METTL15: variants seen among roughly 807,000 people sequenced by gnomAD.
METTL15 encodes the protein methyltransferase 15, mitochondrial 12S rRNA N4-cytidine.
METTL15 carries 34 observed loss-of-function variants against 38.3 expected under a neutral mutation model. The ratio of observed to expected loss-of-function variants is 0.89; its 90% CI spans 0.68 to 1.18. The LOEUF (loss-of-function observed/expected upper bound fraction) is 1.18. METTL15 is among the 50% of genes most tolerant of loss of function. The pLI is 0.00. For synonymous variants in METTL15, 162 were observed against 170.9 expected (o/e 0.95, Z 0.41); for missense variants, 438 against 498.4 (o/e 0.88, Z 1.15).
intron 5 of METTL15, among the ~76,000 whole-genome samples, chr11:28,373,583 TG>T (rs1387222755): frequency 1.3e-5 from 2 of 152,224 alleles, no homozygotes. Flanking sequence ...TTCACTCTGA[TG>T]GTAGTTTCTT....
intron 4 of METTL15, among the ~76,000 whole-genome samples, chr11:28,246,281 CAT>C (rs1359678522): frequency 2.0e-5 from 3 of 151,986 alleles, no homozygotes; most frequent in South Asian, 2.1e-4. Context: ...ATTAAAATAT[CAT>C]ATGTGTTTGA....
chr11:28,301,601 A>G (rs952208766), intron 6 of METTL15, among the ~76,000 whole-genome samples: 2 of 152,158 alleles, frequency 1.3e-5, no homozygotes, highest in African/African-American at 4.8e-5. Context: ...TTGAAGACTT[A>G]GTTTGAAAAA....
chr11:28,247,479 A>G (rs1446076300), intron 4 of METTL15, among the ~76,000 whole-genome samples: 1 of 152,108 alleles, frequency 6.6e-6, no homozygotes, highest in Non-Finnish European at 1.5e-5. Flanking sequence ...TTTCTGAAAA[A>G]TGGAGGCATT....
At chr11:28,191,454 A>G (rs1851697373) in intron 3 of METTL15, among the ~76,000 whole-genome samples, 1 of 151,502 alleles carries the variant, frequency 6.6e-6, no homozygotes, top group South Asian at 2.1e-4. Context: ...ATATAAATGT[A>G]AAGAAATCTA....
intron 4 of METTL15, among the ~76,000 whole-genome samples, chr11:28,361,646 A>G (rs1199539903): frequency 6.6e-6 from 1 of 152,084 alleles, no homozygotes; most frequent in Non-Finnish European, 1.5e-5. Flanking sequence ...TAATCACATA[A>G]TTCTTTTCTG....
chr11:28,398,079 G>A (rs1850591510), intron 5 of METTL15, among the ~76,000 whole-genome samples: 1 of 151,882 alleles, frequency 6.6e-6, no homozygotes, highest in Non-Finnish European at 1.5e-5. Context: ...CACACACCAG[G>A]GCCTGTTGTG....
intron 5 of METTL15, among the ~76,000 whole-genome samples, chr11:28,388,781 T>C (rs1445393052): frequency 6.6e-6 from 1 of 152,138 alleles, no homozygotes; most frequent in East Asian, 1.9e-4. Context: ...GCTGCACCCA[T>C]TAACTCGTCG....
chr11:28,243,081 T>TAA (rs879689338), intron 4 of METTL15, among the ~76,000 whole-genome samples: 1 of 139,456 alleles, frequency 7.2e-6, no homozygotes. Context: ...GATTGGAGTG[T>TAA]AAAAAAAAAA....
At chr11:28,193,433 CAATCG>C (rs1211820204) in intron 3 of METTL15, among the ~76,000 whole-genome samples, 2 of 152,028 alleles carry the variant, frequency 1.3e-5, no homozygotes, top group African/African-American at 2.4e-5. Context: ...CAGTTTTAAA[CAATCG>C]GATCTTGTAA....
chr11:28,250,759 A>G (rs1262987234), intron 4 of METTL15, among the ~76,000 whole-genome samples: 1 of 151,940 alleles, frequency 6.6e-6, no homozygotes, highest in Non-Finnish European at 1.5e-5. Flanking sequence ...TCTGTTTTTT[A>G]CCTGCCAGAA....
intron 4 of METTL15, among the ~76,000 whole-genome samples, chr11:28,273,078 T>TA (rs1855709668): frequency 6.6e-6 from 1 of 152,188 alleles, no homozygotes; most frequent in Non-Finnish European, 1.5e-5. Context: ...TCATCTCTGT[T>TA]AAAATATTCT....
chr11:28,527,842 G>A (rs775428942), downstream of METTL15, among the ~76,000 whole-genome samples: 7 of 152,234 alleles, frequency 4.6e-5, no homozygotes, highest in South Asian at 1.2e-3. Context: ...GACCTTCTTA[G>A]CGTTTTTATC....
At chr11:28,387,938 A>C (rs1396362403) in intron 5 of METTL15, among the ~76,000 whole-genome samples, 1 of 152,158 alleles carries the variant, frequency 6.6e-6, no homozygotes, top group Non-Finnish European at 1.5e-5. Context: ...AACAGAATGA[A>C]GGACAAAATT....
At chr11:28,430,087 C>G (rs1190636719) in intron 6 of METTL15, among the ~76,000 whole-genome samples, 1 of 149,570 alleles carries the variant, frequency 6.7e-6, no homozygotes, top group Admixed American at 6.6e-5. Context: ...TGCCCGGCCG[C>G]CCTGTCTGAG....
intron 6 of METTL15, 43 bp from the exon 7 acceptor site, chr11:28,330,353 T>G (rs1849773957): frequency 7.0e-7 from 1 of 1,437,166 alleles, no homozygotes; most frequent in Admixed American, 2.5e-5. Context: ...AAAATATTAA[T>G]GTTACCGGTC....
At chr11:28,182,474 G>C (rs1312752518) in intron 3 of METTL15, among the ~76,000 whole-genome samples, 2 of 151,764 alleles carry the variant, frequency 1.3e-5, no homozygotes, top group Non-Finnish European at 2.9e-5. Context: ...TTCTGCCTAG[G>C]GCTAGCCTGT....
In METTL15 at chr11:28,470,283, T is replaced by C. The variant is rs538096813; in HGVS notation, c.*424+45919T>C. Among the ~76,000 whole-genome samples, 4 of 152,300 alleles carry C rather than the reference T, an allele frequency of 2.6e-5. No individual in the cohort carries two copies. In the East Asian group the frequency reaches 7.7e-4, roughly 29 times the overall value. ...TGGAGATTGCTAGTTGTAATCTTTTTACATAGTAATAGAAGTTTTAGTTGG... is the reference window on the plus strand; with the variant it reads ...TGGAGATTGCTAGTTGTAATCTTTTCACATAGTAATAGAAGTTTTAGTTGG... On this transcript the variant is annotated intron_variant and NMD_transcript_variant, in intron 6 of 7. Transcript: ENST00000532947.
chr11:28,130,770 C>T (rs1044322494), intron 3 of METTL15, among the ~76,000 whole-genome samples: 2 of 152,126 alleles, frequency 1.3e-5, no homozygotes, highest in African/African-American at 4.8e-5. Context: ...CTAAATATGA[C>T]TTGATTTTCT....
At chr11:28,156,083 A>G (rs998541476) in intron 3 of METTL15, among the ~76,000 whole-genome samples, 3 of 152,144 alleles carry the variant, frequency 2.0e-5, no homozygotes, top group African/African-American at 4.8e-5. Context: ...AAAGTTTTGT[A>G]TGTTCCCATG....
Sources: gnomAD v4.1 joint callset for allele counts (sites outside exome capture counted in the v4.1 genomes callset) on GRCh38, gnomAD v4.1.1 for gene constraint, MANE v1.5 for transcripts, NCBI Gene and HGNC (gene_info 2026-07-23, HGNC 2026-07-21) for gene names.